FSIP2: variants seen among roughly 807,000 people sequenced by gnomAD.
FSIP2 encodes the protein fibrous sheath-interacting protein 2.
FSIP2 carries 367 observed loss-of-function variants against 510.5 expected under a neutral mutation model. The observed-to-expected ratio is 0.72, with a 90% confidence interval of 0.66 to 0.78. The LOEUF is 0.78. FSIP2 is among the 30% of genes least tolerant of loss of function. The pLI, the probability that FSIP2 is intolerant of heterozygous loss-of-function variation, is 0.00. For missense variants in FSIP2, 7,594 were observed against 7,901.7 expected (o/e 0.96, Z 1.48); for synonymous variants, 2,601 against 2,732.2 (o/e 0.95, Z 1.50).
intron 14 of FSIP2, among the ~76,000 whole-genome samples, chr2:185,785,866 A>C (rs1337281136): frequency 6.6e-6 from 1 of 152,010 alleles, no homozygotes; most frequent in African/African-American, 2.4e-5. Context: ...AGTCCTGGTC[A>C]GATGCCTTGC....
In FSIP2 at chr2:185,794,384, T is replaced by A; in HGVS notation, c.7248T>A (p.Asn2416Lys). 1 of 1,518,944 alleles carries A rather than the reference T, an allele frequency of 6.6e-7. No individual in the cohort carries two copies. The allele number at this position is 1,518,944 out of a possible 1,614,324, so 94.1% of individuals were successfully genotyped here. A position where few individuals can be genotyped will look rare whatever the true frequency, so the allele number is the denominator to read the frequency against. The part of the protein sequence containing the change: ...VKEICFNSKE[N>K]SNFSQLALSN... ...AAATTTGTTTTAATTCAAAAGAAAA[T>A]TCTAACTTTTCACAATTAGCTTTAT... Residue 2416 changes from asparagine to lysine, a missense_variant, in exon 16 of 23, where the codon AAT (asparagine) becomes AAA (lysine). Asn to Lys is a moderately conservative substitution (Grantham distance 94, BLOSUM62 0). Coordinates refer to ENST00000424728, the MANE Select transcript of FSIP2 (RefSeq NM_173651.4).
In FSIP2 at chr2:185,803,287, C is replaced by T. The variant is rs1693484047; in HGVS notation, c.13981C>T (p.Leu4661Phe). Residue 4661 changes from leucine to phenylalanine, a missense_variant, in exon 17 of 23, where the codon CTC becomes TTC. Coordinates refer to ENST00000424728, the MANE Select transcript of FSIP2 (RefSeq NM_173651.4). ...EDELFEKAEELIHLITGEFSK... is the reference protein window; with the variant it reads ...EDELFEKAEEFIHLITGEFSK... ...TGAACTGTTTGAGAAAGCTGAAGAA[C>T]TCATACATTTGATTACAGGGGAATT... 1.3e-6 allele frequency: 2 copies of T among 1,526,536 alleles called. No individual in the cohort carries two copies. Among genetic ancestry groups the T allele is most frequent in the African/African-American group, 2.8e-5 (2 of 72,442 alleles). The allele number at this position is 1,526,536 out of a possible 1,614,324, so 94.6% of individuals were successfully genotyped here. A position where few individuals can be genotyped will look rare whatever the true frequency, so the allele number is the denominator to read the frequency against.
chr2:185,752,106 C>T (rs950750310), intron 7 of FSIP2, among the ~76,000 whole-genome samples: 3 of 150,738 alleles, frequency 2.0e-5, no homozygotes, highest in Non-Finnish European at 4.5e-5. Context: ...TAACATTGCT[C>T]CTAGTACAAC....
At position 185,795,053 on chromosome 2, in the gene FSIP2, G is replaced by C; in HGVS notation, c.7917G>C (p.Lys2639Asn). 6.5e-7 allele frequency: 1 copy of C among 1,534,666 alleles called. No homozygotes were observed. Among genetic ancestry groups the C allele is most frequent in the Non-Finnish European group, 8.7e-7 (1 of 1,146,038 alleles). ...KKDLIQMVLN[K>N]ITNFVSLPLK... ...ACTTAATTCAAATGGTTCTCAATAA[G>C]ATCACAAATTTTGTCTCACTTCCTT... Residue 2639 changes from lysine (K) to asparagine (N), a missense_variant, in exon 16 of 23, where the codon AAG becomes AAC. Lys to Asn is a moderately conservative substitution (Grantham distance 94, BLOSUM62 0). Coordinates refer to ENST00000424728, the MANE Select transcript of FSIP2 (RefSeq NM_173651.4).
intron 21 of FSIP2, among the ~76,000 whole-genome samples, chr2:185,830,947 G>A (rs1053530026): frequency 5.3e-5 from 8 of 151,998 alleles, no homozygotes; most frequent in Middle Eastern, 3.4e-3. Flanking sequence ...AGCTTAAGTT[G>A]AGAATCAGTA....
chr2:185,806,921 A>G lies in FSIP2; in HGVS notation c.17615A>G (p.Glu5872Gly). Residue 5872 changes from glutamate (E) to glycine (G), a missense_variant, in exon 17 of 23, where the codon GAG becomes GGG. Transcript: ENST00000424728. ...CCTAAAGTACCTCCAAGGTATAAAG[A>G]GCCAACTACAGATGAAGCACCATCC... Reference protein sequence around the residue: ...SVPKVPPRYKEPTTDEAPSSI... With the variant: ...SVPKVPPRYKGPTTDEAPSSI... The G allele has an allele frequency of 1.9e-6, 3 of 1,611,448 alleles. No homozygotes were observed. Among genetic ancestry groups the G allele is most frequent in the Non-Finnish European group, 2.5e-6 (3 of 1,178,704 alleles).
chr2:185,828,169 AC>A lies in FSIP2; in HGVS notation c.20488del (p.Gln6830LysfsTer48), dbSNP rs1694048012. Reference protein sequence around the residue: ...AKILEESSQEQKPEHGNSVKF... With the variant: ...AKILEESSQEXKPEHGNSVKF... ...TAATCTCTACAGAAAGTTCTCAGGA[AC>A]AAAAGCCAGAGCATGGAAACAGTGT... On this transcript the variant is annotated frameshift_variant, in exon 21 of 23. Coordinates refer to ENST00000424728, the MANE Select transcript of FSIP2 (RefSeq NM_173651.4). LOFTEE classifies it high-confidence loss of function. 6.3e-7 allele frequency: 1 copy of A among 1,582,714 alleles called. No homozygotes were observed. The highest frequency in any genetic ancestry group is 1.3e-5 in the African/African-American group (1 of 74,114).
intron 5 of FSIP2, 147 bp from the exon 6 acceptor site, chr2:185,746,522 A>G: frequency 1.7e-6 from 1 of 595,090 alleles, no homozygotes; most frequent in Non-Finnish European, 2.8e-6. Context: ...AAGGTTTATA[A>G]ACAGGACTGA....
chr2:185,761,040 GA>G lies in FSIP2; in HGVS notation c.1139del (p.Asn380ThrfsTer16), dbSNP rs1559014390. On this transcript the variant is annotated frameshift_variant, in exon 10 of 23. Coordinates refer to ENST00000424728, the MANE Select transcript of FSIP2 (RefSeq NM_173651.4). LOFTEE classifies it high-confidence loss of function. The stretch of plus-strand genomic sequence containing the variant: ...GTCAAAATAGTTCAAATAATTTTAC[GA>G]AAAAAAACTCAGCTTCTGTTGTTTA... ...QRQNSSNNFT[K>X]KNSASVVYQA... The G allele has an allele frequency of 8.0e-6, 12 of 1,505,300 alleles. No individual in the cohort carries two copies. Among genetic ancestry groups the G allele is most frequent in the Middle Eastern group, 1.7e-4 (1 of 5,830 alleles). 93.2% of individuals were successfully genotyped at this position (1,505,300 alleles called of 1,614,324 possible). A position where few individuals can be genotyped will look rare whatever the true frequency, so the allele number is the denominator to read the frequency against.
intron 21 of FSIP2, 64 bp from the exon 22 acceptor site, chr2:185,831,749 A>C (rs1694112782): frequency 3.0e-6 from 3 of 995,566 alleles, no homozygotes; most frequent in Non-Finnish European, 4.9e-6. Context: ...TTGAGGACTT[A>C]TGGGTATATC....
chr2:185,749,375 A>T (rs1257333970), intron 7 of FSIP2, among the ~76,000 whole-genome samples: 2 of 151,942 alleles, frequency 1.3e-5, no homozygotes, highest in African/African-American at 4.8e-5. Flanking sequence ...CTTTTCATAA[A>T]TTCATCCCTA....
In FSIP2 at chr2:185,802,893, AG is replaced by A; in HGVS notation, c.13588del (p.Glu4530LysfsTer44). The A allele has an allele frequency of 1.3e-6, 2 of 1,498,760 alleles. No homozygotes were observed. The highest frequency in any genetic ancestry group is 1.8e-6 in the Non-Finnish European group (2 of 1,132,760). The allele number at this position is 1,498,760 out of a possible 1,614,324, so 92.8% of individuals were successfully genotyped here. On this transcript the variant is annotated frameshift_variant, in exon 17 of 23. Transcript: ENST00000424728. LOFTEE classifies it high-confidence loss of function. ...HEIRFSKEEE[E>X]TKFIYSEDDI... is the part of the protein sequence containing the mutation. Reference sequence around the variant, plus strand: ...AAATTCGATTTTCAAAAGAGGAAGAAGAAACCAAGTTTATTTATTCAGAAGA... The same window carrying A: ...AAATTCGATTTTCAAAAGAGGAAGAAAAACCAAGTTTATTTATTCAGAAGA...
intron 13 of FSIP2, among the ~76,000 whole-genome samples, chr2:185,777,495 A>G (rs1692752620): frequency 6.6e-6 from 1 of 151,942 alleles, no homozygotes. Context: ...CTTAATTAAA[A>G]AAAAGTTTAA....
rs1285783907 is a variant in FSIP2, at chr2:185,793,390, T to A, written c.6254T>A (p.Val2085Glu). Residue 2085 changes from valine (V) to glutamate (E), a missense_variant, in exon 16 of 23, where the codon GTA becomes GAA. Physicochemically the swap from Val to Glu is moderately radical, Grantham distance 121 (BLOSUM62 -2). Transcript: ENST00000424728. The stretch of plus-strand genomic sequence containing the variant: ...CTCAATGAGACCAAATATCGAAAAG[T>A]ACTTCAACTTCAAATACAAGATACC... ...KLLNETKYRKVLQLQIQDTIE... is the reference protein window; with the variant it reads ...KLLNETKYRKELQLQIQDTIE... 1 of 1,533,898 alleles carries A rather than the reference T, an allele frequency of 6.5e-7. No individual in the cohort carries two copies. Among genetic ancestry groups the A allele is most frequent in the South Asian group, 1.2e-5 (1 of 83,952 alleles).
chr2:185,816,072 T>C (rs1693821435), intron 19 of FSIP2, among the ~76,000 whole-genome samples: 1 of 152,030 alleles, frequency 6.6e-6, no homozygotes, highest in African/African-American at 2.4e-5. Flanking sequence ...ATCTGATTCA[T>C]AACTCTATCA....
Position 185,796,325 on chromosome 2 carries a change from C to T in FSIP2, c.9189C>T (p.Asn3063=). The T allele has an allele frequency of 6.5e-7, 1 of 1,533,448 alleles. No individual in the cohort carries two copies. Among genetic ancestry groups the T allele is most frequent in the South Asian group, 1.2e-5 (1 of 83,924 alleles). The allele number at this position is 1,533,448 out of a possible 1,614,324, so 95.0% of individuals were successfully genotyped here. The change falls in exon 16 of 23, where the codon AAC becomes AAT. Residue 3063 remains asparagine, a synonymous_variant. Coordinates refer to ENST00000424728, the MANE Select transcript of FSIP2 (RefSeq NM_173651.4). ...CAAATACTATTAATTTCAAGGAAAA[C>T]ATACAGAATATCCTTCTACGGGTTC... The part of the protein sequence containing the change: ...SESNTINFKE[N]IQNILLRVHS...
rs1693190595 is a variant in FSIP2 at position 185,793,548 on chromosome 2, G to T, written c.6412G>T (p.Ala2138Ser). 6.5e-7 allele frequency: 1 copy of T among 1,534,078 alleles called. No individual in the cohort carries two copies. Among genetic ancestry groups the T allele is most frequent in the Non-Finnish European group, 8.7e-7 (1 of 1,145,584 alleles). The change falls in exon 16 of 23, where the codon GCA (alanine) becomes TCA (serine). Residue 2138 changes from alanine (A) to serine (S), a missense_variant. Ala to Ser is a moderately conservative substitution (Grantham distance 99). Transcript: ENST00000424728. Reference protein sequence around the residue: ...EENSEMFMEGANKIIPKLSVP... With the variant: ...EENSEMFMEGSNKIIPKLSVP... ...AAATTCTGAAATGTTCATGGAGGGT[G>T]CAAATAAGATTATTCCTAAGCTTTC...
chr2:185,745,558 A>C lies in FSIP2; in HGVS notation c.607A>C (p.Met203Leu). Residue 203 changes from methionine to leucine, a missense_variant, in exon 5 of 23, where the codon ATG becomes CTG. By Grantham distance (15) the Met-to-Leu change is conservative. Transcript: ENST00000424728. ...ATCTATTAAGGACCAGGAGCGGCTGATGAGGCATAGGTAAGATTAAAGTTG... is the reference window on the plus strand; with the variant it reads ...ATCTATTAAGGACCAGGAGCGGCTGCTGAGGCATAGGTAAGATTAAAGTTG... ...TESIKDQERL[M>L]RHRYLDMISR... The C allele has an allele frequency of 6.5e-7, 1 of 1,533,996 alleles. No homozygotes were observed. The highest frequency in any genetic ancestry group is 1.2e-5 in the South Asian group (1 of 83,742).
Position 185,820,194 on chromosome 2 carries a change from TAGTG to T in FSIP2, c.20427-4232_20427-4229del, listed in dbSNP as rs1433310790. On this transcript the variant is annotated intron_variant, in intron 19 of 22. Coordinates refer to ENST00000424728, the MANE Select transcript of FSIP2 (RefSeq NM_173651.4). ...TACTCCTATGCTGCTTTTCTCATGATAGTGAGTGAGTTCTCATGAGATCTGATTG... is the reference window on the plus strand; with the variant it reads ...TACTCCTATGCTGCTTTTCTCATGATAGTGAGTTCTCATGAGATCTGATTG... Among the ~76,000 whole-genome samples, 8 of 152,106 alleles carry T rather than the reference TAGTG, an allele frequency of 5.3e-5. No homozygotes were observed. In the East Asian group the frequency reaches 9.8e-4, roughly 19 times the overall value.
Sources: allele counts gnomAD v4.1 joint callset (sites outside exome capture counted in the v4.1 genomes callset), GRCh38; gene constraint gnomAD v4.1.1; transcripts MANE v1.5; gene names NCBI Gene and HGNC (gene_info 2026-07-23, HGNC 2026-07-21).